Variants in SLCO3A1 observed in about 807,000 individuals in gnomAD.
The protein encoded by SLCO3A1 is PGE1 transporter.
Under a neutral mutation model 63.1 loss-of-function variants are expected in SLCO3A1, and 27 were observed. That is an observed-to-expected ratio of 0.43 (90% CI 0.32 to 0.59). The LOEUF (loss-of-function observed/expected upper bound fraction) is 0.59. SLCO3A1 is among the 20% of genes least tolerant of loss of function. The probability of loss-of-function intolerance (pLI) is 0.09; values close to 1 mark genes in which losing one functional copy is unlikely to be tolerated. For synonymous variants in SLCO3A1, 473 were observed against 409.9 expected, an observed-to-expected ratio of 1.15 and a Z score of -1.86; for missense variants, 773 against 945.8, an observed-to-expected ratio of 0.82 and a Z score of 2.40.
chr15:91,937,804 A>G (rs1260140613), intron 2 of SLCO3A1, among the ~76,000 whole-genome samples: 2 of 152,042 alleles, frequency 1.3e-5, no homozygotes, highest in Non-Finnish European at 2.9e-5. Context: ...AGCACAGGTT[A>G]TGCAAAGTTT....
intron 2 of SLCO3A1, among the ~76,000 whole-genome samples, chr15:92,091,579 AGTT>A (rs1422052469): frequency 6.6e-6 from 1 of 152,182 alleles, no homozygotes; most frequent in African/African-American, 2.4e-5. Context: ...TGCTCGTTTC[AGTT>A]GTTAAGATAT....
chr15:92,055,757 C>T (rs554796178), intron 2 of SLCO3A1, among the ~76,000 whole-genome samples: 22 of 152,238 alleles, frequency 1.4e-4, no homozygotes, highest in African/African-American at 5.1e-4. Flanking sequence ...GCCAGCATCC[C>T]GCCATCTTGA....
rs575767198 is a variant in SLCO3A1, at chr15:92,146,038, C to G, written c.1513-946C>G. ...AAAAGCCAGAGGGGATTTATTTGAC[C>G]CTCAGGAGGATTTACCTGGGCATGT... is the stretch of plus-strand genomic sequence containing the variant. On this transcript the variant is annotated intron_variant, in intron 7 of 9. Transcript: ENST00000318445. 4.6e-5 allele frequency among the ~76,000 whole-genome samples: 7 copies of G among 152,228 alleles called. No individual in the cohort carries two copies. In the East Asian group the frequency reaches 1.4e-3, roughly 29 times the overall value.
In SLCO3A1 at chr15:92,147,091, C is replaced by G. The variant is rs773852178; in HGVS notation, c.1620C>G (p.Leu540=). Residue 540 remains leucine (L), a synonymous_variant, in exon 8 of 10, where the codon CTC becomes CTG. Transcript: ENST00000318445. ...GCCAAGAGGCCTTCCTCACTTTCCT[C>G]TGTGTGATGTGTATCTGCAGCCTGA... is the stretch of plus-strand genomic sequence containing the variant. ...PGCQEAFLTF[L]CVMCICSLIG... 2 of 1,612,170 alleles carry G rather than the reference C, an allele frequency of 1.2e-6. No homozygotes were observed. The highest frequency in any genetic ancestry group is 2.2e-5 in the East Asian group (1 of 44,866).
intron 2 of SLCO3A1, among the ~76,000 whole-genome samples, chr15:92,014,088 C>G (rs1020018185): frequency 1.3e-5 from 2 of 152,180 alleles, no homozygotes; most frequent in Non-Finnish European, 2.9e-5. Flanking sequence ...TCCCCAGATC[C>G]AGGCTAAAGC....
At chr15:91,991,717 A>G (rs1337621414) in intron 2 of SLCO3A1, among the ~76,000 whole-genome samples, 1 of 152,244 alleles carries the variant, frequency 6.6e-6, no homozygotes, top group African/African-American at 2.4e-5. Flanking sequence ...TTTTGCATGT[A>G]AGTCTTTATG....
At chr15:91,906,395 G>C (rs1401087833) in intron 1 of SLCO3A1, among the ~76,000 whole-genome samples, 1 of 152,222 alleles carries the variant, frequency 6.6e-6, no homozygotes, top group African/African-American at 2.4e-5. Flanking sequence ...ACTGTGAGCT[G>C]GTTGAGGGCA....
At chr15:92,034,116 A>G (rs1041639849) in intron 2 of SLCO3A1, among the ~76,000 whole-genome samples, 1 of 148,162 alleles carries the variant, frequency 6.7e-6, no homozygotes, top group East Asian at 1.9e-4. Flanking sequence ...TGCTCTGTGG[A>G]GAGTGGACTG....
chr15:91,926,110 G>C (rs923998039), intron 2 of SLCO3A1, among the ~76,000 whole-genome samples: 2 of 152,182 alleles, frequency 1.3e-5, no homozygotes, highest in Non-Finnish European at 2.9e-5. Flanking sequence ...CCACTCATGA[G>C]ACTCTGAAGA....
At chr15:91,996,103 A>T (rs75878205) in intron 2 of SLCO3A1, among the ~76,000 whole-genome samples, 6 of 152,184 alleles carry the variant, frequency 3.9e-5, no homozygotes, top group African/African-American at 7.2e-5. Flanking sequence ...AAGATTATCA[A>T]TGTTAAAAAA....
In SLCO3A1 at chr15:91,865,577, T is replaced by C. The variant is rs1897145086; in HGVS notation, c.180+11489T>C. 6.6e-6 allele frequency among the ~76,000 whole-genome samples: 1 copy of C among 152,180 alleles called. No individual in the cohort carries two copies. The highest frequency in any genetic ancestry group is 2.4e-5 in the African/African-American group (1 of 41,430). On this transcript the variant is annotated intron_variant, in intron 1 of 9. Transcript: ENST00000318445. This position sits in a 1 kb window ranked among gnomAD's most constrained non-coding sequence, Gnocchi z 4.6. ...CCTCCTAGACCCTGCGTAGAACCCT[T>C]CCTTGCCTCTTCATGGCATGTGGGG...
chr15:91,858,796 T>C (rs1033741684), intron 1 of SLCO3A1, among the ~76,000 whole-genome samples: 2 of 152,232 alleles, frequency 1.3e-5, no homozygotes, highest in African/African-American at 4.8e-5. Context: ...TGTGAATTTA[T>C]TTTGCACACC....
intron 6 of SLCO3A1, among the ~76,000 whole-genome samples, chr15:92,127,197 C>T (rs542651750): frequency 7.9e-5 from 12 of 152,324 alleles, no homozygotes; most frequent in Non-Finnish European, 1.8e-4. Context: ...AGCCTGGCCC[C>T]GACTTCGTGT....
intron 2 of SLCO3A1, among the ~76,000 whole-genome samples, chr15:92,010,187 C>A (rs541146038): frequency 1.3e-5 from 2 of 152,304 alleles, no homozygotes; most frequent in Admixed American, 1.3e-4. Flanking sequence ...TTATGGGATG[C>A]TAGACTGCAG....
intron 1 of SLCO3A1, among the ~76,000 whole-genome samples, chr15:91,907,966 C>A (rs991756225): frequency 3.3e-5 from 5 of 152,170 alleles, no homozygotes; most frequent in African/African-American, 4.8e-5. Flanking sequence ...CAGCAGCTTT[C>A]ATGATCCTGC....
chr15:92,048,274 G>A (rs1394356934), intron 2 of SLCO3A1, among the ~76,000 whole-genome samples: 3 of 152,092 alleles, frequency 2.0e-5, no homozygotes, highest in East Asian at 3.9e-4. Flanking sequence ...TCTGATAGAG[G>A]TGAGTTTGCT....
chr15:92,147,253 C>T (rs779971396), intron 8 of SLCO3A1, 94 bp downstream of exon 8: 3 of 1,312,238 alleles, frequency 2.3e-6, no homozygotes, highest in Non-Finnish European at 3.2e-6. Context: ...ACAGGAATCT[C>T]TCGAACCAGG....
intron 4 of SLCO3A1, among the ~76,000 whole-genome samples, chr15:92,109,545 T>G (rs1015208630): frequency 1.3e-5 from 2 of 152,144 alleles, no homozygotes; most frequent in African/African-American, 4.8e-5. Context: ...ACCAGAGGTT[T>G]AAAATCCAAA....
chr15:91,962,207 C>T (rs999834869), intron 2 of SLCO3A1, among the ~76,000 whole-genome samples: 11 of 152,290 alleles, frequency 7.2e-5, no homozygotes, highest in South Asian at 4.1e-4. Flanking sequence ...CGGCCGTGCA[C>T]AGTGGCTCAC....
Sources: allele counts gnomAD v4.1 joint callset (sites outside exome capture counted in the v4.1 genomes callset), GRCh38; gene constraint gnomAD v4.1.1; non-coding constraint Gnocchi (gnomAD v3.1); transcripts MANE v1.5; gene names NCBI Gene and HGNC (gene_info 2026-07-23, HGNC 2026-07-21).